The following ADCY9 variants were observed in gnomAD, a reference collection of about 807,000 sequenced individuals.
ADCY9 encodes adenylate cyclase type 9.
Under a neutral mutation model 101.5 loss-of-function variants are expected in ADCY9, and 50 were observed. The observed-to-expected ratio is 0.49, with a 90% confidence interval of 0.39 to 0.62. The LOEUF is 0.62. ADCY9 is among the 20% of genes least tolerant of loss of function. The probability of loss-of-function intolerance (pLI) is 0.00; values close to 1 mark genes in which losing one functional copy is unlikely to be tolerated. For missense variants in ADCY9, 1,662 were observed against 1,800.4 expected, an observed-to-expected ratio of 0.92 and a Z score of 1.39; for synonymous variants, 905 against 769.3, an observed-to-expected ratio of 1.18 and a Z score of -2.92.
At chr16:4,075,103 G>A (rs1290243803) in intron 2 of ADCY9, among the ~76,000 whole-genome samples, 1 of 152,172 alleles carries the variant, frequency 6.6e-6, no homozygotes, top group African/African-American at 2.4e-5. Context: ...CTTCAGCCCA[G>A]GAAGCTGAGG....
chr16:4,027,554 A>T (rs1049095140), intron 2 of ADCY9, among the ~76,000 whole-genome samples: 1 of 152,136 alleles, frequency 6.6e-6, no homozygotes, highest in Non-Finnish European at 1.5e-5. Flanking sequence ...GAAGAGAGAG[A>T]GTGTGTGCAG....
At chr16:4,086,285 A>G (rs2056938083) in intron 2 of ADCY9, among the ~76,000 whole-genome samples, 1 of 152,140 alleles carries the variant, frequency 6.6e-6, no homozygotes, top group South Asian at 2.1e-4. Flanking sequence ...TGCCTTCCAC[A>G]GAGGGTCCAT....
At chr16:4,055,026 C>T (rs185906139) in intron 2 of ADCY9, among the ~76,000 whole-genome samples, 270 of 152,200 alleles carry the variant, frequency 1.8e-3, no homozygotes, top group African/African-American at 6.4e-3. Flanking sequence ...CACACTCACA[C>T]CTCAAAAACT....
At chr16:4,020,941 AC>A (rs1379618566) in intron 2 of ADCY9, among the ~76,000 whole-genome samples, 8 of 152,236 alleles carry the variant, frequency 5.3e-5, no homozygotes, top group African/African-American at 1.9e-4. Flanking sequence ...TTCAAAAAAA[AC>A]CCTATAAGTG....
intron 2 of ADCY9, among the ~76,000 whole-genome samples, chr16:4,026,325 G>C (rs755482496): frequency 8.0e-5 from 12 of 149,530 alleles, no homozygotes; most frequent in Non-Finnish European, 1.6e-4. Flanking sequence ...TCGGGAGGCT[G>C]AGACAGGAGA....
intron 2 of ADCY9, among the ~76,000 whole-genome samples, chr16:4,110,655 G>A (rs891607034): frequency 6.6e-6 from 1 of 152,112 alleles, no homozygotes; most frequent in Non-Finnish European, 1.5e-5. Flanking sequence ...CTCCCAAAGT[G>A]CTGGGATTAC....
intron 6 of ADCY9, among the ~76,000 whole-genome samples, chr16:3,986,931 A>G (rs2056198104): frequency 1.3e-5 from 2 of 152,198 alleles, no homozygotes; most frequent in South Asian, 4.1e-4. Context: ...ACAGCTCCCC[A>G]TGGCCTGTGG....
rs139060403 is a variant in ADCY9 at position 4,037,549 on chromosome 16, C to T, written c.1694-29991G>A. Among the ~76,000 whole-genome samples, 465 of 152,136 alleles carry T rather than the reference C, an allele frequency of 3.1e-3. 7 individuals carry two copies. The Middle Eastern group carries it at 0.037, about 12-fold the overall frequency. ...AAGTGCAGGTATCCCTTTGATAGAT[C>T]GATTTCTTTTCCTCTGGGTAGATAT... On this transcript the variant is annotated intron_variant, in intron 2 of 10. Transcript: ENST00000294016.
chr16:3,965,813 T>G lies in ADCY9; in HGVS notation c.4024A>C (p.Asn1342His), dbSNP rs1411075318. The change falls in exon 11 of 11, where the codon AAC becomes CAC. Residue 1342 changes from asparagine (N) to histidine (H), a missense_variant. Coordinates refer to ENST00000294016, the MANE Select transcript of ADCY9 (RefSeq NM_001116.4). ...GAAACGTTGAGCTTGGTGAGTTCGT[T>G]GGCTTCTTCTATTCCTGTTTCGTCA... ...DCDETGIEEANELTKLNVSKS... is the reference protein window; with the variant it reads ...DCDETGIEEAHELTKLNVSKS... The G allele has an allele frequency of 1.2e-6, 2 of 1,613,774 alleles. No homozygotes were observed. The highest frequency in any genetic ancestry group is 2.7e-5 in the African/African-American group (2 of 74,862).
At chr16:4,082,144 G>C (rs2056907333) in intron 2 of ADCY9, among the ~76,000 whole-genome samples, 1 of 152,084 alleles carries the variant, frequency 6.6e-6, no homozygotes. Context: ...GGGAGACTGA[G>C]GCAAGAGTGT....
At chr16:4,000,331 G>A (rs1055566762) in intron 3 of ADCY9, among the ~76,000 whole-genome samples, 3 of 152,128 alleles carry the variant, frequency 2.0e-5, no homozygotes, top group Non-Finnish European at 2.9e-5. Flanking sequence ...GCGTAAAGAG[G>A]CGGTGAGCCC....
chr16:4,003,257 C>T (rs1221824301), intron 3 of ADCY9, among the ~76,000 whole-genome samples: 1 of 152,192 alleles, frequency 6.6e-6, no homozygotes, highest in South Asian at 2.1e-4. Flanking sequence ...GAATCTCCCT[C>T]GAATCGGAAC....
rs869169536 is a variant in ADCY9 at position 4,108,360 on chromosome 16, A to ATTTTTTTTTT, written c.1693+5380_1693+5389dup. Among the ~76,000 whole-genome samples the ATTTTTTTTTT allele has an allele frequency of 2.7e-3, 147 of 53,742 alleles. 17 individuals carry two copies. Among genetic ancestry groups the ATTTTTTTTTT allele is most frequent in the Non-Finnish European group, 3.7e-3 (113 of 30,892 alleles). The allele number at this position is 53,742 out of a possible 152,430, so 35.3% of individuals were successfully genotyped here. A position where few individuals can be genotyped will look rare whatever the true frequency, so the allele number is the denominator to read the frequency against. The stretch of plus-strand genomic sequence containing the variant: ...CTCACCTTAATCAGACCGTTTCTTC[A>ATTTTTTTTTT]TTTTTTTTTTTTTTTTTTTTTTTTT... On this transcript the variant is annotated intron_variant, in intron 2 of 10. Transcript: ENST00000294016.
intron 3 of ADCY9, among the ~76,000 whole-genome samples, chr16:4,002,968 G>A (rs761171134): frequency 2.0e-5 from 3 of 152,102 alleles, no homozygotes; most frequent in Non-Finnish European, 4.4e-5. Flanking sequence ...TCTCTGCCTC[G>A]GCCTCCCAAA....
At chr16:3,981,046 G>A (rs915193428) in intron 7 of ADCY9, among the ~76,000 whole-genome samples, 3 of 152,186 alleles carry the variant, frequency 2.0e-5, no homozygotes, top group Non-Finnish European at 2.9e-5. Flanking sequence ...GCAGGTTCCC[G>A]TCAACCTGGG....
At position 3,983,286 on chromosome 16, in the gene ADCY9, G is replaced by A. The variant is rs558610583; in HGVS notation, c.2465C>T (p.Ala822Val). The stretch of plus-strand genomic sequence containing the variant: ...CAGCAGCAGGGCTGCACTGAAGACC[G>A]CCAGGGCGGCGGGCGGGGGAGGCAC... ...ATVPPPPAAL[A>V]VFSAALLLEV... The change falls in exon 7 of 11, where the codon GCG becomes GTG. Residue 822 changes from alanine (A) to valine (V), a missense_variant. Physicochemically the swap from Ala to Val is moderately conservative, Grantham distance 64. Transcript: ENST00000294016. 68 of 1,557,770 alleles carry A rather than the reference G, an allele frequency of 4.4e-5. No homozygotes were observed. The highest frequency in any genetic ancestry group is 3.3e-4 in the Middle Eastern group (2 of 5,982).
At chr16:3,959,231 C>T (rs903100054), downstream of ADCY9, among the ~76,000 whole-genome samples, 5 of 152,018 alleles carry the variant, frequency 3.3e-5, no homozygotes, top group Admixed American at 6.6e-5. Flanking sequence ...CGTAGTGGCA[C>T]GCACTTGTAG....
chr16:3,975,675 G>A (rs951929083), intron 9 of ADCY9, among the ~76,000 whole-genome samples: 1 of 152,222 alleles, frequency 6.6e-6, no homozygotes, highest in Non-Finnish European at 1.5e-5. Context: ...GGACAAGGAA[G>A]AAATGTCCCA....
chr16:4,087,543 T>TAAAAAAAAA (rs55706713), intron 2 of ADCY9, among the ~76,000 whole-genome samples: 8 of 118,106 alleles, frequency 6.8e-5, no homozygotes, highest in South Asian at 2.7e-4. Context: ...CTCAAAAAGA[T>TAAAAAAAAA]AAAAAAAAAA....
Sources: gnomAD v4.1 joint callset for allele counts (sites outside exome capture counted in the v4.1 genomes callset) on GRCh38, gnomAD v4.1.1 for gene constraint, MANE v1.5 for transcripts, NCBI Gene and HGNC (gene_info 2026-07-23, HGNC 2026-07-21) for gene names.